PCLO: variants seen among roughly 807,000 people sequenced by gnomAD.
PCLO encodes protein piccolo.
In PCLO, 82 loss-of-function variants were observed where a neutral mutation model predicts 427.5. The ratio of observed to expected loss-of-function variants is 0.19; its 90% CI spans 0.16 to 0.23. The LOEUF (loss-of-function observed/expected upper bound fraction) is 0.23, where lower values mean the gene tolerates loss of function less well. PCLO is among the 10% of genes least tolerant of loss of function. The pLI, the probability that PCLO is intolerant of heterozygous loss-of-function variation, is 1.00. For synonymous variants in PCLO, 2,357 were observed against 2,155.4 expected (o/e 1.09, Z -2.59); for missense variants, 6,239 against 6,115.9 (o/e 1.02, Z -0.67).
chr7:82,822,226 A>G, intron 20 of PCLO: 2 of 1,315,970 alleles, frequency 1.5e-6, no homozygotes, highest in Non-Finnish European at 1.9e-6. Context: ...CATCACAGAC[A>G]CTGTATCAAA....
chr7:82,882,836 A>G (rs1562835192), intron 9 of PCLO, among the ~76,000 whole-genome samples: 1 of 152,050 alleles, frequency 6.6e-6, no homozygotes, highest in Admixed American at 6.6e-5. Context: ...CTAAGGAAAA[A>G]TCTTTACATT....
intron 22 of PCLO, among the ~76,000 whole-genome samples, chr7:82,768,432 A>T (rs995740057): frequency 6.6e-6 from 1 of 152,016 alleles, no homozygotes; most frequent in South Asian, 2.1e-4. Context: ...CAAAAAAAAA[A>T]AAAAAGTATT....
intron 3 of PCLO, among the ~76,000 whole-genome samples, chr7:83,016,368 C>G (rs527800194): frequency 1.3e-5 from 2 of 152,092 alleles, no homozygotes; most frequent in Non-Finnish European, 2.9e-5. Context: ...ACTCAGTTCA[C>G]ATGTTAGGGT....
intron 3 of PCLO, among the ~76,000 whole-genome samples, chr7:83,130,851 T>C (rs531054967): frequency 6.6e-6 from 1 of 152,296 alleles, no homozygotes; most frequent in East Asian, 1.9e-4. Flanking sequence ...ATTCCTACAT[T>C]ATTTAGGCCA....
intron 3 of PCLO, among the ~76,000 whole-genome samples, chr7:83,030,331 G>T (rs1490816647): frequency 1.3e-5 from 2 of 152,032 alleles, no homozygotes; most frequent in Non-Finnish European, 2.9e-5. Context: ...CTTCGATCTG[G>T]AACTTGAATA....
intron 3 of PCLO, among the ~76,000 whole-genome samples, chr7:83,116,667 A>G (rs540189484): frequency 6.6e-6 from 1 of 152,306 alleles, no homozygotes; most frequent in South Asian, 2.1e-4. Context: ...CCACTCTTTT[A>G]GCATTTTTCA....
intron 10 of PCLO, among the ~76,000 whole-genome samples, chr7:82,856,698 T>C (rs919416486): frequency 2.0e-5 from 3 of 152,196 alleles, no homozygotes; most frequent in Non-Finnish European, 2.9e-5. Context: ...TAGTTTAATA[T>C]CACAATTTAT....
intron 22 of PCLO, among the ~76,000 whole-genome samples, chr7:82,772,693 C>A (rs1413331257): frequency 6.6e-6 from 1 of 151,832 alleles, no homozygotes; most frequent in African/African-American, 2.4e-5. Flanking sequence ...AGAAAGAACA[C>A]AATTTTAAGC....
At chr7:82,905,050 T>C (rs922735830) in intron 8 of PCLO, among the ~76,000 whole-genome samples, 1 of 152,036 alleles carries the variant, frequency 6.6e-6, no homozygotes, top group Admixed American at 6.6e-5. Context: ...CTGTAGCAGA[T>C]GGGGTTACGG....
In PCLO at chr7:83,154,973, T is replaced by G; in HGVS notation, c.1668A>C (p.Lys556Asn). The change falls in exon 2 of 25, where the codon AAA (lysine) becomes AAC (asparagine). Residue 556 changes from lysine to asparagine, a missense_variant. Physicochemically the swap from Lys to Asn is moderately conservative, Grantham distance 94 (BLOSUM62 0). This residue lies in a region of PCLO where 4,677 missense variants were observed against 4,468.4 expected (regional missense o/e 1.05). Transcript: ENST00000333891. ...TTCCAGATCCTGTTTGGCTTACTGGTTTTGTAGATTGCTGAGCCGAGGGCT... is the reference window on the plus strand; with the variant it reads ...TTCCAGATCCTGTTTGGCTTACTGGGTTTGTAGATTGCTGAGCCGAGGGCT... Reference protein sequence around the residue: ...PAKPSAQQSTKPVSQTGSGKP... With the variant: ...PAKPSAQQSTNPVSQTGSGKP... 1 of 1,613,992 alleles carries G rather than the reference T, an allele frequency of 6.2e-7. No homozygotes were observed. Among genetic ancestry groups the G allele is most frequent in the Non-Finnish European group, 8.5e-7 (1 of 1,179,878 alleles).
rs1009792665 is a variant in PCLO, at chr7:82,781,480, G to A, written c.15008-19987C>T. ...CACCCCCCAACAGGCCCTGATGTGT[G>A]TTGTTCCCCTCTCTGTGTCCATGTG... On this transcript the variant is annotated intron_variant, in intron 22 of 24. Transcript: ENST00000333891. Among the ~76,000 whole-genome samples the A allele has an allele frequency of 3.5e-5, 5 of 141,468 alleles. No individual in the cohort carries two copies. In the East Asian group the frequency reaches 6.5e-4, roughly 18 times the overall value. 92.8% of individuals were successfully genotyped at this position (141,468 alleles called of 152,430 possible). A position where few individuals can be genotyped will look rare whatever the true frequency, so the allele number is the denominator to read the frequency against.
chr7:82,948,507 G>C lies in PCLO; in HGVS notation c.11112+969C>G, dbSNP rs1421073842. Among the ~76,000 whole-genome samples the C allele has an allele frequency of 3.3e-5, 5 of 152,040 alleles. No homozygotes were observed. In the East Asian group the frequency reaches 9.7e-4, roughly 29 times the overall value. On this transcript the variant is annotated intron_variant, in intron 6 of 24. Coordinates refer to ENST00000333891, the MANE Select transcript of PCLO (RefSeq NM_033026.6). The stretch of plus-strand genomic sequence containing the variant: ...CAGAAAAACCTACTTAGAAACTTCA[G>C]GGTTCAAAACCTAGAGCTCAGTAAT...
At chr7:83,069,823 A>ACACACACACACACG (rs1789765976) in intron 3 of PCLO, among the ~76,000 whole-genome samples, 1 of 117,202 alleles carries the variant, frequency 8.5e-6, no homozygotes, top group South Asian at 3.2e-4. Flanking sequence ...ACACACACAC[A>ACACACACACACACG]CACAAAGACT....
chr7:83,121,294 A>T (rs1369507606), intron 3 of PCLO, among the ~76,000 whole-genome samples: 2 of 152,150 alleles, frequency 1.3e-5, no homozygotes, highest in Non-Finnish European at 2.9e-5. Context: ...TTGCTACTGC[A>T]ACCAGAGTTG....
At chr7:83,029,788 A>T (rs1354190281) in intron 3 of PCLO, among the ~76,000 whole-genome samples, 1 of 137,990 alleles carries the variant, frequency 7.2e-6, no homozygotes, top group Admixed American at 7.5e-5. Context: ...GCCATAAAAA[A>T]TGATGAGTTC....
chr7:82,886,144 G>C (rs1338569797), intron 9 of PCLO, among the ~76,000 whole-genome samples: 7 of 152,162 alleles, frequency 4.6e-5, no homozygotes, highest in African/African-American at 1.4e-4. Flanking sequence ...AAATGCTTTT[G>C]GCTTAGGCAG....
chr7:82,949,897 C>T lies in PCLO; in HGVS notation c.10691G>A (p.Ser3564Asn), dbSNP rs760751988. The change falls in exon 6 of 25, where the codon AGT (serine) becomes AAT (asparagine). Residue 3564 changes from serine to asparagine, a missense_variant. By Grantham distance (46) the Ser-to-Asn change is conservative. Transcript: ENST00000333891. ...SAPEKTYKGGSLGCQTEADSD... is the reference protein window; with the variant it reads ...SAPEKTYKGGNLGCQTEADSD... ...ATCTGCTTCTGTTTGACATCCTAAA[C>T]TGCCCCCTTTGTAAGTCTTTTCAGG... 2.5e-5 allele frequency: 41 copies of T among 1,613,660 alleles called. 1 individual carries two copies. The East Asian group carries it at 6.0e-4, about 24-fold the overall frequency.
chr7:82,967,704 C>T (rs1795810790), intron 3 of PCLO, among the ~76,000 whole-genome samples: 1 of 152,134 alleles, frequency 6.6e-6, no homozygotes, highest in South Asian at 2.1e-4. Flanking sequence ...AACAAATGAT[C>T]ACCTAGGAGA....
chr7:82,880,131 TAA>T (rs1335583114), intron 9 of PCLO, among the ~76,000 whole-genome samples: 5 of 152,084 alleles, frequency 3.3e-5, no homozygotes, highest in African/African-American at 9.7e-5. Flanking sequence ...GAGATAAATA[TAA>T]GTGTTTATAT....
Sources: allele counts gnomAD v4.1 joint callset (sites outside exome capture counted in the v4.1 genomes callset), GRCh38; gene constraint gnomAD v4.1.1; regional missense constraint gnomAD v4.1.1; transcripts MANE v1.5; gene names NCBI Gene and HGNC (gene_info 2026-07-23, HGNC 2026-07-21).